SMYD3: variants seen among roughly 807,000 people sequenced by gnomAD.
The protein encoded by SMYD3 is SET and MYND domain containing 3.
In SMYD3, 36 loss-of-function variants were observed where a neutral mutation model predicts 57.7. The observed-to-expected ratio is 0.62, with a 90% CI of 0.48 to 0.82. The LOEUF (loss-of-function observed/expected upper bound fraction) is 0.82. SMYD3 is among the 40% of genes least tolerant of loss of function. The pLI, the probability that SMYD3 is intolerant of heterozygous loss-of-function variation, is 0.00. For synonymous variants in SMYD3, 211 were observed against 195.0 expected, an observed-to-expected ratio of 1.08 and a Z score of -0.68; for missense variants, 515 against 538.8, an observed-to-expected ratio of 0.96 and a Z score of 0.44.
chr1:246,248,833 T>G (rs2063754368), intron 5 of SMYD3, among the ~76,000 whole-genome samples: 1 of 138,978 alleles, frequency 7.2e-6, no homozygotes, highest in Non-Finnish European at 1.5e-5. Context: ...TTTTTTTGTA[T>G]TTTTACTAGA....
intron 5 of SMYD3, among the ~76,000 whole-genome samples, chr1:245,993,137 C>T (rs1320390888): frequency 6.6e-6 from 1 of 152,216 alleles, no homozygotes; most frequent in Non-Finnish European, 1.5e-5. Flanking sequence ...GTTCCAGATA[C>T]TGTTTGAAGC....
intron 8 of SMYD3, among the ~76,000 whole-genome samples, chr1:245,901,272 T>C (rs1213889526): frequency 1.3e-5 from 2 of 152,210 alleles, no homozygotes; most frequent in Non-Finnish European, 2.9e-5. Flanking sequence ...TCTCTGAACC[T>C]TTCCGAGTTT....
intron 5 of SMYD3, among the ~76,000 whole-genome samples, chr1:246,224,098 A>T (rs1400479321): frequency 6.6e-6 from 1 of 152,046 alleles, no homozygotes; most frequent in Non-Finnish European, 1.5e-5. Context: ...TACACTGCCT[A>T]CCAGAGAGAA....
intron 8 of SMYD3, among the ~76,000 whole-genome samples, chr1:245,867,690 T>A (rs57035509): frequency 0.58 from 82,937 of 143,394 alleles, 25,761 homozygotes; most frequent in Non-Finnish European, 0.73. Flanking sequence ...ACACACACAC[T>A]CACACACACA....
chr1:246,248,631 C>CTTGTTTTTT (rs1309872022), intron 5 of SMYD3, among the ~76,000 whole-genome samples: 3,341 of 118,782 alleles, frequency 0.028, 329 homozygotes, highest in East Asian at 0.04. Flanking sequence ...AGCTCTCTGA[C>CTTGTTTTTT]TTTCCTTTTT....
chr1:246,342,068 T>C (rs1340362138), intron 2 of SMYD3, among the ~76,000 whole-genome samples: 1 of 152,234 alleles, frequency 6.6e-6, no homozygotes, highest in East Asian at 1.9e-4. Context: ...TGAAACCTGC[T>C]TGGGTTAGGC....
chr1:246,178,395 C>A (rs932310219), intron 5 of SMYD3, among the ~76,000 whole-genome samples: 12 of 152,208 alleles, frequency 7.9e-5, no homozygotes, highest in African/African-American at 1.2e-4. Context: ...CATTTTAAAT[C>A]TCCTAGACCG....
chr1:246,002,242 T>G (rs138187886), intron 5 of SMYD3, among the ~76,000 whole-genome samples: 17,517 of 143,984 alleles, frequency 0.12, 1,509 homozygotes, highest in East Asian at 0.42. Flanking sequence ...TGGAGTGCTG[T>G]GGCGCGATCT....
At chr1:245,970,618 C>T (rs1448242615) in intron 5 of SMYD3, among the ~76,000 whole-genome samples, 1 of 151,992 alleles carries the variant, frequency 6.6e-6, no homozygotes, top group Non-Finnish European at 1.5e-5. Flanking sequence ...AGAAAAAAAA[C>T]AACCCCATCA....
chr1:245,915,507 C>CAA, intron 8 of SMYD3, 23 bp downstream of exon 8: 1 of 1,522,246 alleles, frequency 6.6e-7, no homozygotes, highest in African/African-American at 1.4e-5. Context: ...GGAGGTGTTT[C>CAA]AATCTGGTTC....
chr1:246,300,999 C>T (rs2064884026), intron 5 of SMYD3, among the ~76,000 whole-genome samples: 2 of 152,180 alleles, frequency 1.3e-5, no homozygotes, highest in Admixed American at 6.5e-5. Context: ...TAATGCTACC[C>T]GTCCTAAGGG....
At chr1:245,858,437 T>A in intron 10 of SMYD3, 59 bp downstream of exon 10, 1 of 1,510,014 alleles carries the variant, frequency 6.6e-7, no homozygotes, top group Non-Finnish European at 8.9e-7. Context: ...ACAACATGGA[T>A]CCTTTGCCCA....
At chr1:245,791,335 A>G (rs1025394254) in intron 10 of SMYD3, among the ~76,000 whole-genome samples, 2 of 152,226 alleles carry the variant, frequency 1.3e-5, no homozygotes, top group Admixed American at 6.5e-5. Context: ...CTTGGGCACT[A>G]AAGTACTACT....
At chr1:246,110,596 G>A (rs1000764734) in intron 5 of SMYD3, among the ~76,000 whole-genome samples, 2 of 152,154 alleles carry the variant, frequency 1.3e-5, no homozygotes, top group Admixed American at 6.5e-5. Context: ...CTGGCTCCCC[G>A]CTGCAAGACA....
intron 11 of SMYD3, among the ~76,000 whole-genome samples, chr1:245,757,162 T>C (rs2148024952): frequency 6.6e-6 from 1 of 152,224 alleles, no homozygotes; most frequent in South Asian, 2.1e-4. Context: ...CTTCACACTC[T>C]GGTAACCACT....
At chr1:246,382,296 A>C (rs573956093) in intron 1 of SMYD3, among the ~76,000 whole-genome samples, 1 of 152,070 alleles carries the variant, frequency 6.6e-6, no homozygotes, top group East Asian at 1.9e-4. Context: ...GTCCAGCCCC[A>C]TGTCAGCCGC....
chr1:246,154,477 G>C (rs1239595436), intron 5 of SMYD3, among the ~76,000 whole-genome samples: 1 of 152,186 alleles, frequency 6.6e-6, no homozygotes, highest in Non-Finnish European at 1.5e-5. Flanking sequence ...AAAGCTATTA[G>C]AAATTGAAAC....
intron 10 of SMYD3, among the ~76,000 whole-genome samples, chr1:245,833,073 A>AAAACAAC: frequency 6.2e-5 from 8 of 128,666 alleles, no homozygotes; most frequent in African/African-American, 2.1e-4. Flanking sequence ...AAAAAAAAAA[A>AAAACAAC]AACCTGCTTT....
At chr1:246,013,392 C>G (rs749890817) in intron 5 of SMYD3, among the ~76,000 whole-genome samples, 48 of 152,098 alleles carry the variant, frequency 3.2e-4, no homozygotes, top group Non-Finnish European at 5.0e-4. Context: ...GTTGTCCAGG[C>G]TGGTCTCGAA....
Sources: allele counts gnomAD v4.1 joint callset (sites outside exome capture counted in the v4.1 genomes callset), GRCh38; gene constraint gnomAD v4.1.1; transcripts MANE v1.5; gene names NCBI Gene and HGNC (gene_info 2026-07-23, HGNC 2026-07-21).